Variants in RNPC3 observed in about 807,000 individuals in gnomAD.
RNPC3 encodes RNA-binding region-containing protein 3.
RNPC3 carries 48 observed loss-of-function variants against 67.5 expected under a neutral mutation model. The ratio of observed to expected loss-of-function variants is 0.71; its 90% CI spans 0.56 to 0.90. RNPC3 has a LOEUF of 0.90. Among genes scored for constraint, RNPC3 ranks in the 40% least tolerant of loss-of-function variants. RNPC3 has a pLI of 0.00. For missense variants in RNPC3, 637 were observed against 626.1 expected (o/e 1.02, Z -0.19); for synonymous variants, 239 against 210.3 (o/e 1.14, Z -1.18).
chr1:103,533,787 G>A lies in RNPC3; in HGVS notation c.289G>A (p.Val97Ile), dbSNP rs1055628348. 7.2e-6 allele frequency: 11 copies of A among 1,533,798 alleles called. No homozygotes were observed. The highest frequency in any genetic ancestry group is 1.7e-4 in the Middle Eastern group (1 of 5,888). ...QLKLLGHTLV[V>I]EFAKEQDRVH... is the part of the protein sequence containing the mutation. ...GAAACTTTTAGGTCATACTTTAGTC[G>A]TTGAATTTGCAAAAGAGCAAGATCG... Residue 97 changes from valine to isoleucine, a missense_variant, in exon 3 of 15, where the codon GTT becomes ATT. This residue lies in a region of RNPC3 where 536 missense variants were observed against 500.3 expected (regional missense o/e 1.07). Coordinates refer to ENST00000423855, the MANE Select transcript of RNPC3 (RefSeq NM_017619.4).
intron 12 of RNPC3, among the ~76,000 whole-genome samples, chr1:103,549,717 A>G (rs905807758): frequency 6.6e-6 from 1 of 152,182 alleles, no homozygotes; most frequent in Admixed American, 6.6e-5. Context: ...GGAATTTAAA[A>G]ATTTGGTTTG....
rs1341108796 is a variant in RNPC3 at position 103,545,157 on chromosome 1, A to G, written c.1207+55A>G. The G allele has an allele frequency of 4.3e-6, 6 of 1,392,964 alleles. No homozygotes were observed. The African/African-American group carries it at 5.9e-5, about 14-fold the overall frequency. The allele number at this position is 1,392,964 out of a possible 1,614,324, so 86.3% of individuals were successfully genotyped here. A position where few individuals can be genotyped will look rare whatever the true frequency, so the allele number is the denominator to read the frequency against. ...TTCCATTTTACATATCTTTGACTCT[A>G]TAGAAACAAAACAAATCTGTCATGC... On this transcript the variant is annotated intron_variant, in intron 10 of 14. Coordinates refer to ENST00000423855, the MANE Select transcript of RNPC3 (RefSeq NM_017619.4).
chr1:103,527,954 A>G (rs1293534959), intron 2 of RNPC3, among the ~76,000 whole-genome samples: 1 of 152,256 alleles, frequency 6.6e-6, no homozygotes, highest in East Asian at 1.9e-4. Context: ...ATGTAATTAA[A>G]ATAACAATTT....
At chr1:103,540,406 A>G (rs1305452113) in intron 7 of RNPC3, among the ~76,000 whole-genome samples, 1 of 152,190 alleles carries the variant, frequency 6.6e-6, no homozygotes, top group African/African-American at 2.4e-5. Flanking sequence ...AACCTGTACT[A>G]TTCATTTATT....
Position 103,526,176 on chromosome 1 carries a change from G to T in RNPC3, c.106G>T (p.Ala36Ser), listed in dbSNP as rs1428555908. ...AACCCTTCTGGTCAGGCACCTGCCG[G>T]CTGAGCTTACTGCTGAGGAGAAAGA... ...DRTLLVRHLP[A>S]ELTAEEKEDL... Residue 36 changes from alanine (A) to serine (S), a missense_variant, in exon 1 of 15, where the codon GCT becomes TCT. Physicochemically the swap from Ala to Ser is moderately conservative, Grantham distance 99. Coordinates refer to ENST00000423855, the MANE Select transcript of RNPC3 (RefSeq NM_017619.4). 1 of 1,551,546 alleles carries T rather than the reference G, an allele frequency of 6.4e-7. No individual in the cohort carries two copies. The highest frequency in any genetic ancestry group is 2.4e-5 in the East Asian group (1 of 40,874).
At chr1:103,551,230 C>G (rs1651380733) in intron 13 of RNPC3, 157 bp downstream of exon 13, 1 of 609,492 alleles carries the variant, frequency 1.6e-6, no homozygotes, top group Non-Finnish European at 2.8e-6. Context: ...AGTCAGATGA[C>G]AGTGTTATTT....
intron 11 of RNPC3, chr1:103,546,569 T>C (rs935981355): frequency 2.8e-6 from 1 of 353,156 alleles, no homozygotes; most frequent in Non-Finnish European, 5.1e-6. Context: ...TTGTGGTATG[T>C]ATTAATTTCC....
intron 14 of RNPC3, chr1:103,554,074 A>G (rs758173061): frequency 6.6e-6 from 1 of 152,150 alleles, no homozygotes; most frequent in Non-Finnish European, 1.5e-5. Context: ...CTAATTTTAA[A>G]AGGGTGCAGT....
At position 103,533,849 on chromosome 1, in the gene RNPC3, A is replaced by T; in HGVS notation, c.351A>T (p.Lys117Asn). ...CATGTCCCACTTCAGGCTCTGAAAA[A>T]AAAAAAAGGTATGTAGATCAGTAAA... ...HSPCPTSGSE[K>N]KKRSDDPVED... The change falls in exon 3 of 15, where the codon AAA (lysine) becomes AAT (asparagine). Residue 117 changes from lysine to asparagine, a missense_variant. Around this residue, in one of 3 missense-constraint regions of RNPC3, gnomAD observed 536 missense variants for 500.3 expected, o/e 1.07. Coordinates refer to ENST00000423855, the MANE Select transcript of RNPC3 (RefSeq NM_017619.4). 1 of 1,455,804 alleles carries T rather than the reference A, an allele frequency of 6.9e-7. No homozygotes were observed. Among genetic ancestry groups the T allele is most frequent in the Non-Finnish European group, 9.3e-7 (1 of 1,078,676 alleles). 90.2% of individuals were successfully genotyped at this position (1,455,804 alleles called of 1,614,324 possible). A position where few individuals can be genotyped will look rare whatever the true frequency, so the allele number is the denominator to read the frequency against.
At chr1:103,530,092 G>A (rs1172741793) in intron 2 of RNPC3, among the ~76,000 whole-genome samples, 2 of 135,178 alleles carry the variant, frequency 1.5e-5, no homozygotes, top group Non-Finnish European at 3.0e-5. Flanking sequence ...AAATTGTCTT[G>A]CACAAAACCG....
chr1:103,545,211 T>G (rs1367224496), intron 10 of RNPC3, 109 bp downstream of exon 10: 2 of 806,630 alleles, frequency 2.5e-6, no homozygotes, highest in South Asian at 3.7e-5. Context: ...GCACATACTT[T>G]AAAACATCTC....
At chr1:103,539,226 G>A (rs1651062507) in intron 7 of RNPC3, among the ~76,000 whole-genome samples, 1 of 152,122 alleles carries the variant, frequency 6.6e-6, no homozygotes, top group African/African-American at 2.4e-5. Context: ...GGAGGTGTGA[G>A]TGGTTGGCAT....
At position 103,526,014 on chromosome 1, in the gene RNPC3, C is replaced by G. The variant is rs1570612304; in HGVS notation, c.-57C>G. On this transcript the variant is annotated 5_prime_UTR_variant, in exon 1 of 15. Transcript: ENST00000423855. Reference sequence around the variant, plus strand: ...ATATTTCTCCCAGCTTGTGTTGATGCCGCGATTTTGACTGAGACTTCTTCC... The same window carrying G: ...ATATTTCTCCCAGCTTGTGTTGATGGCGCGATTTTGACTGAGACTTCTTCC... The G allele has an allele frequency of 7.3e-7, 1 of 1,371,166 alleles. No individual in the cohort carries two copies. Among genetic ancestry groups the G allele is most frequent in the Non-Finnish European group, 9.9e-7 (1 of 1,015,192 alleles). The allele number at this position is 1,371,166 out of a possible 1,614,324, so 84.9% of individuals were successfully genotyped here.
At chr1:103,544,160 A>ATACATG (rs1271323439) in intron 9 of RNPC3, among the ~76,000 whole-genome samples, 1 of 151,652 alleles carries the variant, frequency 6.6e-6, no homozygotes, top group Admixed American at 6.6e-5. Flanking sequence ...GTGTATATAC[A>ATACATG]TACATGTGTG....
chr1:103,552,930 G>A (rs1470436993), intron 14 of RNPC3, among the ~76,000 whole-genome samples: 1 of 152,146 alleles, frequency 6.6e-6, no homozygotes, highest in African/African-American at 2.4e-5. Flanking sequence ...AAATGTTAAT[G>A]TTTGTTACAT....
chr1:103,550,640 C>CAAAAAA (rs34109337), intron 12 of RNPC3, among the ~76,000 whole-genome samples: 1 of 88,650 alleles, frequency 1.1e-5, no homozygotes, highest in Non-Finnish European at 2.2e-5. Context: ...GACTCTGTCT[C>CAAAAAA]AAAAAAAAAA....
At chr1:103,532,228 A>G (rs1240774329) in intron 2 of RNPC3, among the ~76,000 whole-genome samples, 1 of 152,120 alleles carries the variant, frequency 6.6e-6, no homozygotes, top group Non-Finnish European at 1.5e-5. Flanking sequence ...TTTGATGACT[A>G]TGGCCTTATG....
intron 2 of RNPC3, among the ~76,000 whole-genome samples, chr1:103,530,590 G>A (rs1650825824): frequency 2.0e-5 from 3 of 152,126 alleles, no homozygotes; most frequent in Admixed American, 2.0e-4. Flanking sequence ...TCTATATTAT[G>A]TAGATTATAG....
chr1:103,550,861 C>CA (rs1651370760), intron 12 of RNPC3, 80 bp from the exon 13 acceptor site: 1 of 1,410,214 alleles, frequency 7.1e-7, no homozygotes, highest in Non-Finnish European at 9.8e-7. Flanking sequence ...TTTGAAATAG[C>CA]AAAATGTTAG....
Sources: gnomAD v4.1 joint callset for allele counts (sites outside exome capture counted in the v4.1 genomes callset) on GRCh38, gnomAD v4.1.1 for gene constraint, gnomAD v4.1.1 regional missense constraint, MANE v1.5 for transcripts, NCBI Gene and HGNC (gene_info 2026-07-23, HGNC 2026-07-21) for gene names.